TRMT11: variants seen among roughly 807,000 people sequenced by gnomAD.
The protein encoded by TRMT11 is tRNA (guanine(10)-N(2))-methyltransferase TRMT11.
In TRMT11, 53 loss-of-function variants were observed where a neutral mutation model predicts 62.8. That is an observed-to-expected ratio of 0.84 (90% CI 0.68 to 1.06). The LOEUF is 1.06. TRMT11 is among the 50% of genes least tolerant of loss of function. The probability of loss-of-function intolerance (pLI) is 0.00; values close to 1 mark genes in which losing one functional copy is unlikely to be tolerated. For synonymous variants in TRMT11, 188 were observed against 190.3 expected, an observed-to-expected ratio of 0.99 and a Z score of 0.10; for missense variants, 556 against 553.4, an observed-to-expected ratio of 1.00 and a Z score of -0.05.
Position 126,157,269 on chromosome 6 carries a change from A to G in TRMT11, c.*1824-17556A>G, listed in dbSNP as rs74496057. ...TTTCAGTTCTTATCTTCTAGAATTG[A>G]CAATAGATTATTGTCTTTCTTTTCT... On this transcript the variant is annotated intron_variant and NMD_transcript_variant, in intron 21 of 22. Transcript: ENST00000648977. Among the ~76,000 whole-genome samples the G allele has an allele frequency of 6.6e-3, 1,009 of 152,288 alleles. 10 individuals are homozygous for G. Among genetic ancestry groups the G allele is most frequent in the African/African-American group, 0.023 (962 of 41,544 alleles).
intron 1 of TRMT11, among the ~76,000 whole-genome samples, chr6:125,991,849 A>G (rs943456297): frequency 5.3e-5 from 8 of 152,206 alleles, no homozygotes; most frequent in Non-Finnish European, 8.8e-5. Flanking sequence ...TATTGTACTA[A>G]ATAGTGTTTA....
intron 21 of TRMT11, among the ~76,000 whole-genome samples, chr6:126,142,416 A>G (rs980181759): frequency 1.3e-5 from 2 of 152,088 alleles, no homozygotes; most frequent in Non-Finnish European, 2.9e-5. Flanking sequence ...GAACATCACT[A>G]TCACATATTT....
intron 1 of TRMT11, among the ~76,000 whole-genome samples, chr6:126,181,248 T>C (rs1443234116): frequency 6.6e-6 from 1 of 152,212 alleles, no homozygotes; most frequent in Non-Finnish European, 1.5e-5. Context: ...GGGTGAAATT[T>C]TCCTCTGGCT....
intron 17 of TRMT11, among the ~76,000 whole-genome samples, chr6:126,086,165 T>C (rs1777214693): frequency 6.6e-6 from 1 of 152,228 alleles, no homozygotes; most frequent in South Asian, 2.1e-4. Context: ...GAAGCACGAC[T>C]CAATTCAGAT....
chr6:126,007,552 A>G (rs1054494776), intron 7 of TRMT11, among the ~76,000 whole-genome samples: 1 of 152,040 alleles, frequency 6.6e-6, no homozygotes, highest in African/African-American at 2.4e-5. Flanking sequence ...ATTTAATTAA[A>G]AGTACAATTA....
chr6:126,160,386 C>CT (rs1007510383), intron 21 of TRMT11, among the ~76,000 whole-genome samples: 26 of 149,162 alleles, frequency 1.7e-4, no homozygotes, highest in African/African-American at 4.7e-4. Flanking sequence ...GCTATTGCTT[C>CT]TTTTTTTTTT....
At chr6:125,996,592 T>C (rs2128753685) in intron 3 of TRMT11, among the ~76,000 whole-genome samples, 1 of 152,322 alleles carries the variant, frequency 6.6e-6, no homozygotes, top group East Asian at 1.9e-4. Flanking sequence ...TTTCTTTTCT[T>C]TCATTTCTTT....
At chr6:126,078,618 A>G (rs543823525) in intron 17 of TRMT11, among the ~76,000 whole-genome samples, 7 of 152,186 alleles carry the variant, frequency 4.6e-5, no homozygotes, top group Non-Finnish European at 1.0e-4. Flanking sequence ...TAGAGAGTCA[A>G]GCTGCTTTGA....
At chr6:126,242,322 A>G in the TRMT11 span, among the ~76,000 whole-genome samples, 1 of 152,222 alleles carries the variant, frequency 6.6e-6, no homozygotes, top group Non-Finnish European at 1.5e-5. Flanking sequence ...ATGCTCATGG[A>G]TAGGAAGAAT....
intron 12 of TRMT11, among the ~76,000 whole-genome samples, chr6:126,021,675 A>G (rs1247682241): frequency 6.6e-6 from 1 of 152,234 alleles, no homozygotes; most frequent in East Asian, 1.9e-4. Context: ...TTGCTTTATA[A>G]ATAAAGAGAG....
the TRMT11 span, among the ~76,000 whole-genome samples, chr6:126,262,445 G>T: frequency 6.6e-6 from 1 of 152,162 alleles, no homozygotes; most frequent in Non-Finnish European, 1.5e-5. Context: ...GGTAGCCACG[G>T]TTGTGGTACT....
At chr6:126,172,289 G>A (rs1451331141), upstream of TRMT11, among the ~76,000 whole-genome samples, 1 of 152,066 alleles carries the variant, frequency 6.6e-6, no homozygotes, top group East Asian at 1.9e-4. Context: ...ACAAAGGGAG[G>A]TACTTAGAAT....
chr6:126,256,189 G>C, the TRMT11 span, among the ~76,000 whole-genome samples: 386 of 152,298 alleles, frequency 2.5e-3, no homozygotes, highest in African/African-American at 8.7e-3. Flanking sequence ...TTTAAGATAT[G>C]ATGACTGTGT....
At chr6:126,116,017 CTTT>C (rs577116368) in intron 21 of TRMT11, among the ~76,000 whole-genome samples, 6 of 136,434 alleles carry the variant, frequency 4.4e-5, no homozygotes, top group African/African-American at 1.3e-4. Context: ...CCTTAGGGTC[CTTT>C]TTTTTTTTTT....
intron 16 of TRMT11, among the ~76,000 whole-genome samples, chr6:126,044,570 G>A (rs1193391155): frequency 1.3e-5 from 2 of 152,056 alleles, no homozygotes; most frequent in African/African-American, 4.8e-5. Flanking sequence ...TCTAAGAAAG[G>A]CACAGACTTC....
At chr6:126,125,249 C>T (rs553078118) in intron 21 of TRMT11, among the ~76,000 whole-genome samples, 13 of 151,974 alleles carry the variant, frequency 8.6e-5, no homozygotes, top group Non-Finnish European at 1.5e-4. Context: ...GGTTTGGGCT[C>T]TTTAGTTTTT....
At chr6:125,987,007 G>T in intron 1 of TRMT11, 2 of 222,524 alleles carry the variant, frequency 9.0e-6, no homozygotes, top group South Asian at 1.0e-4. Flanking sequence ...AGGGGATGGT[G>T]GTGGGGATTA....
intron 17 of TRMT11, among the ~76,000 whole-genome samples, chr6:126,084,477 ATAT>A (rs1023564289): frequency 1.7e-4 from 26 of 152,046 alleles, no homozygotes; most frequent in Admixed American, 6.6e-5. Context: ...AAATTTTGGA[ATAT>A]TAACCCCTTA....
chr6:125,992,958 G>A (rs1790861888), intron 1 of TRMT11, among the ~76,000 whole-genome samples: 1 of 152,136 alleles, frequency 6.6e-6, no homozygotes, highest in Admixed American at 6.5e-5. Context: ...CTTGGAGTGG[G>A]GGACTTCCTG....
Sources: gnomAD v4.1 joint callset for allele counts (sites outside exome capture counted in the v4.1 genomes callset) on GRCh38, gnomAD v4.1.1 for gene constraint, MANE v1.5 for transcripts, NCBI Gene and HGNC (gene_info 2026-07-23, HGNC 2026-07-21) for gene names.